Variants in PNLDC1 observed in about 807,000 individuals in gnomAD.
PNLDC1 encodes the protein PARN like ribonuclease domain containing exonuclease 1, also known as poly(A)-specific ribonuclease PNLDC1.
Under a neutral mutation model 82.0 loss-of-function variants are expected in PNLDC1, and 70 were observed. The observed-to-expected ratio is 0.85, with a 90% confidence interval of 0.70 to 1.04. PNLDC1 has a LOEUF of 1.04. Ranked by LOEUF, PNLDC1 falls within the 50% of genes least tolerant of loss-of-function variation. PNLDC1 has a pLI of 0.00. For synonymous variants in PNLDC1, 280 were observed against 249.3 expected (o/e 1.12, Z -1.16); for missense variants, 631 against 661.1 (o/e 0.95, Z 0.50).
At chr6:159,801,083 T>C in intron 2 of PNLDC1, 30 bp from the exon 3 acceptor site, 2 of 1,611,312 alleles carry the variant, frequency 1.2e-6, no homozygotes, top group South Asian at 1.1e-5. Flanking sequence ...ATGTCATTGC[T>C]CGTGGAATGA....
intron 12 of PNLDC1, among the ~76,000 whole-genome samples, chr6:159,815,694 A>G (rs1393737435): frequency 6.6e-6 from 1 of 152,168 alleles, no homozygotes; most frequent in African/African-American, 2.4e-5. Context: ...TCCGGAGGAC[A>G]GAGACAGTAT....
intron 7 of PNLDC1, 34 bp downstream of exon 7, chr6:159,806,117 A>G: frequency 4.0e-6 from 6 of 1,508,684 alleles, no homozygotes; most frequent in Non-Finnish European, 5.5e-6. Context: ...ACGCAGGAGC[A>G]TTGGGACAGG....
intron 7 of PNLDC1, among the ~76,000 whole-genome samples, chr6:159,808,017 G>A (rs1325916918): frequency 6.6e-6 from 1 of 151,978 alleles, no homozygotes; most frequent in African/African-American, 2.4e-5. Context: ...GGGTTCAAGG[G>A]ATTCTCCTGC....
intron 10 of PNLDC1, among the ~76,000 whole-genome samples, chr6:159,811,301 C>T (rs1193451099): frequency 6.6e-6 from 1 of 152,136 alleles, no homozygotes; most frequent in Middle Eastern, 3.2e-3. Flanking sequence ...TTTCTTTTAT[C>T]AGGACACTTT....
intron 10 of PNLDC1, 77 bp downstream of exon 10, chr6:159,810,172 C>A: frequency 7.4e-7 from 1 of 1,347,724 alleles, no homozygotes. Flanking sequence ...CAATCATACC[C>A]CTGAGGCAGC....
Position 159,804,097 on chromosome 6 carries a change from T to C in PNLDC1, c.372+9T>C, listed in dbSNP as rs755630504. The C allele has an allele frequency of 7.4e-6, 12 of 1,612,016 alleles. No individual in the cohort carries two copies. In the African/African-American group the frequency reaches 1.3e-4, roughly 18 times the overall value. On this transcript the variant is annotated intron_variant, in intron 5 of 18. Coordinates refer to ENST00000392167, the MANE Select transcript of PNLDC1 (RefSeq NM_001271862.2). ...GCTTCAACTATAACAAGGTATGGCA[T>C]TGGAGGAGGGGAACGGGAATGTCTT...
At chr6:159,804,237 AT>A in intron 5 of PNLDC1, 149 bp downstream of exon 5, 1 of 913,732 alleles carries the variant, frequency 1.1e-6, no homozygotes, top group Non-Finnish European at 1.7e-6. Context: ...AGTAGCTGGG[AT>A]TACAGGCACC....
intron 12 of PNLDC1, 43 bp downstream of exon 12, chr6:159,813,699 G>A: frequency 6.3e-7 from 1 of 1,577,132 alleles, no homozygotes; most frequent in Non-Finnish European, 8.7e-7. Context: ...AGCGGCCTTG[G>A]TGGCCTCCCT....
chr6:159,809,237 C>G (rs1781563575), intron 9 of PNLDC1, 79 bp downstream of exon 9: 1 of 1,525,634 alleles, frequency 6.6e-7, no homozygotes, highest in East Asian at 2.3e-5. Flanking sequence ...GCTCCTTCAA[C>G]AACAAGATAA....
intron 16 of PNLDC1, 32 bp downstream of exon 16, chr6:159,818,686 A>T (rs1391069898): frequency 6.3e-7 from 1 of 1,586,932 alleles, no homozygotes; most frequent in Admixed American, 1.7e-5. Context: ...CCCTCGCCCC[A>T]TTCAGAGTTC....
chr6:159,819,058 G>C lies in PNLDC1; in HGVS notation c.1370G>C (p.Cys457Ser). The C allele has an allele frequency of 6.2e-7, 1 of 1,614,022 alleles. No homozygotes were observed. Among genetic ancestry groups the C allele is most frequent in the South Asian group, 1.1e-5 (1 of 91,084 alleles). Residue 457 changes from cysteine to serine, a missense_variant, in exon 17 of 19, where the codon TGC becomes TCC. Physicochemically the swap from Cys to Ser is moderately radical, Grantham distance 112. Transcript: ENST00000392167. The surrounding 1 kb of genome is among the most constrained non-coding windows in gnomAD (Gnocchi z 4.6). Reference protein sequence around the residue: ...QQVYHKFQNLCKFDVRRLTRS... With the variant: ...QQVYHKFQNLSKFDVRRLTRS... ...GTCTACCATAAGTTTCAGAATCTCT[G>C]CAAGTTTGATGTCAGGCGACTCACA...
At chr6:159,800,256 GCACGTGGGCA>G, upstream of PNLDC1, 1 of 789,890 alleles carries the variant, frequency 1.3e-6, no homozygotes, top group Middle Eastern at 6.3e-4. Context: ...CGCGTGGGCA[GCACGTGGGCA>G]GCACGTGATA....
At chr6:159,807,991 A>G (rs945936852) in intron 7 of PNLDC1, among the ~76,000 whole-genome samples, 2 of 150,744 alleles carry the variant, frequency 1.3e-5, no homozygotes, top group Non-Finnish European at 1.5e-5. Context: ...TTGGCTCACT[A>G]CAACCTCCGC....
chr6:159,800,602 G>T (rs987756188), intron 1 of PNLDC1, 170 bp from the exon 2 acceptor site: 6 of 1,554,746 alleles, frequency 3.9e-6, no homozygotes, highest in Middle Eastern at 4.3e-4. Flanking sequence ...CGTGCGCCCA[G>T]GTGCCTGGCT....
chr6:159,801,260 C>G, intron 3 of PNLDC1, 74 bp downstream of exon 3: 1 of 1,359,250 alleles, frequency 7.4e-7, no homozygotes. Context: ...ACTGTAAAAA[C>G]AGCTCTGAGA....
At chr6:159,804,665 T>C in intron 6 of PNLDC1, 28 bp downstream of exon 6, 1 of 1,509,412 alleles carries the variant, frequency 6.6e-7, no homozygotes, top group Non-Finnish European at 9.2e-7. Context: ...AGGTGCCTTT[T>C]TGTTTCCTTG....
At chr6:159,808,923 C>T in intron 8 of PNLDC1, 92 bp from the exon 9 acceptor site, 3 of 1,585,958 alleles carry the variant, frequency 1.9e-6, no homozygotes, top group East Asian at 2.2e-5. Context: ...GCTAGTTTTT[C>T]CCCCTTTCCT....
rs933268597 is a variant in PNLDC1 at position 159,819,159 on chromosome 6, C to CGT, written c.1433+39_1433+40dup. ...AAGTCCGCGTCCCCCACCCCTCGTG[C>CGT]GTTCATCCCTGTATCTCTCTGACTC... On this transcript the variant is annotated intron_variant, in intron 17 of 18. Coordinates refer to ENST00000392167, the MANE Select transcript of PNLDC1 (RefSeq NM_001271862.2). This position sits in a 1 kb window ranked among gnomAD's most constrained non-coding sequence, Gnocchi z 4.6. 9 of 1,609,482 alleles carry CGT rather than the reference C, an allele frequency of 5.6e-6. No homozygotes were observed. The African/African-American group carries it at 1.2e-4, about 22-fold the overall frequency.
At chr6:159,810,246 A>G in intron 10 of PNLDC1, 151 bp downstream of exon 10, 1 of 660,602 alleles carries the variant, frequency 1.5e-6, no homozygotes, top group Non-Finnish European at 2.6e-6. Flanking sequence ...AGAGGCCTGT[A>G]CTCTGATCTG....
Sources: gnomAD v4.1 joint callset for allele counts (sites outside exome capture counted in the v4.1 genomes callset) on GRCh38, gnomAD v4.1.1 for gene constraint, Gnocchi (gnomAD v3.1) non-coding constraint, MANE v1.5 for transcripts, NCBI Gene and HGNC (gene_info 2026-07-23, HGNC 2026-07-21) for gene names.